ZPBP2: variants seen among roughly 807,000 people sequenced by gnomAD.
The protein encoded by ZPBP2 is zona pellucida binding protein 2.
ZPBP2 carries 34 observed loss-of-function variants against 37.5 expected under a neutral mutation model. That is an observed-to-expected ratio of 0.91 (90% CI 0.69 to 1.21). ZPBP2 has a LOEUF of 1.21. Ranked by LOEUF, ZPBP2 falls within the 50% of genes most tolerant of loss-of-function variation. The probability of loss-of-function intolerance (pLI) is 0.00; values close to 1 mark genes in which losing one functional copy is unlikely to be tolerated. For missense variants in ZPBP2, 397 were observed against 413.5 expected, an observed-to-expected ratio of 0.96 and a Z score of 0.35; for synonymous variants, 143 against 138.4, an observed-to-expected ratio of 1.03 and a Z score of -0.23.
intron 2 of ZPBP2, among the ~76,000 whole-genome samples, chr17:39,869,405 CTTTTTTTTTTTTT>C (rs1555647285): frequency 1.7e-5 from 2 of 115,136 alleles, no homozygotes; most frequent in African/African-American, 6.6e-5. Flanking sequence ...TTCCTTCCTT[CTTTTTTTTTTTTT>C]TTTTTTTTGA....
At chr17:39,870,246 T>C (rs542094265) in intron 2 of ZPBP2, among the ~76,000 whole-genome samples, 1 of 151,536 alleles carries the variant, frequency 6.6e-6, no homozygotes, top group South Asian at 2.1e-4. Flanking sequence ...GTTTTGCCGT[T>C]TTCTTCAGGC....
At chr17:39,871,417 T>C (rs777098945) in intron 3 of ZPBP2, 47 bp from the exon 4 acceptor site, 2 of 1,362,600 alleles carry the variant, frequency 1.5e-6, no homozygotes, top group Non-Finnish European at 2.0e-6. Context: ...TACTAAATAA[T>C]GCTTGATATG....
intron 3 of ZPBP2, 56 bp from the exon 4 acceptor site, chr17:39,871,408 A>G (rs937237305): frequency 7.9e-7 from 1 of 1,267,006 alleles, no homozygotes; most frequent in Non-Finnish European, 1.1e-6. Flanking sequence ...CTCCAAGTGT[A>G]CTAAATAATG....
chr17:39,871,777 T>C, intron 4 of ZPBP2, 152 bp downstream of exon 4: 1 of 593,814 alleles, frequency 1.7e-6, no homozygotes, highest in South Asian at 3.6e-5. Flanking sequence ...CTAAGCAAAC[T>C]CTTAAGTTGA....
rs778382534 is a variant in ZPBP2 at position 39,868,368 on chromosome 17, G to A, written c.14G>A (p.Cys5Tyr). The change falls in exon 1 of 8, where the codon TGC becomes TAC. Residue 5 changes from cysteine (C) to tyrosine (Y), a missense_variant. Transcript: ENST00000348931. Reference protein sequence around the residue: MMRTCVLLSAVLWCL... With the variant: MMRTYVLLSAVLWCL... ...AGCCCCTGAGCGATGATGCGAACGT[G>A]CGTCCTACTCTCCGCGGTGCTCTGG... 13 of 1,609,890 alleles carry A rather than the reference G, an allele frequency of 8.1e-6. No individual in the cohort carries two copies. The highest frequency in any genetic ancestry group is 1.0e-5 in the Non-Finnish European group (12 of 1,179,982).
intron 5 of ZPBP2, among the ~76,000 whole-genome samples, chr17:39,872,759 C>T (rs551806484): frequency 6.6e-6 from 1 of 152,240 alleles, no homozygotes; most frequent in East Asian, 1.9e-4. Flanking sequence ...TAACTTCTTA[C>T]AGAATTTTAA....
In ZPBP2 at chr17:39,876,688, G is replaced by C. The variant is rs771557513; in HGVS notation, c.896G>C (p.Cys299Ser). Residue 299 changes from cysteine (C) to serine (S), a missense_variant, in exon 8 of 8, where the codon TGT becomes TCT. By Grantham distance (112) the Cys-to-Ser change is moderately radical (BLOSUM62 -1). Coordinates refer to ENST00000348931, the MANE Select transcript of ZPBP2 (RefSeq NM_199321.3). ...HSNCASCCVVCSPATFSPDVN... is the reference protein window; with the variant it reads ...HSNCASCCVVSSPATFSPDVN... ...CCTGTGTTTTCCTCTGCAGTGGTTT[G>C]TAGTCCTGCGACTTTTAGTCCTGAT... 8 of 1,613,578 alleles carry C rather than the reference G, an allele frequency of 5.0e-6. No homozygotes were observed. The African/African-American group carries it at 9.3e-5, about 19-fold the overall frequency.
Position 39,872,267 on chromosome 17 carries a change from A to T in ZPBP2, c.407-3A>T. 1 of 1,569,810 alleles carries T rather than the reference A, an allele frequency of 6.4e-7. No individual in the cohort carries two copies. The highest frequency in any genetic ancestry group is 2.1e-5 in the Admixed American group (1 of 47,470). ...CACTCTCATCTTTCTTTTTTTTTTA[A>T]AGCCTATCGGGAACCTGATTATTCA... On this transcript the variant is annotated splice_region_variant and splice_polypyrimidine_tract_variant and intron_variant, in intron 4 of 7. Coordinates refer to ENST00000348931, the MANE Select transcript of ZPBP2 (RefSeq NM_199321.3).
In ZPBP2 at chr17:39,872,255, C is replaced by CTTTT; in HGVS notation, c.407-8_407-5dup. 1 of 1,362,434 alleles carries CTTTT rather than the reference C, an allele frequency of 7.3e-7. No individual in the cohort carries two copies. The highest frequency in any genetic ancestry group is 9.9e-7 in the Non-Finnish European group (1 of 1,006,210). 84.4% of individuals were successfully genotyped at this position (1,362,434 alleles called of 1,614,324 possible). A position where few individuals can be genotyped will look rare whatever the true frequency, so the allele number is the denominator to read the frequency against. ...TACGATTGTTTTCACTCTCATCTTT[C>CTTTT]TTTTTTTTTTAAAGCCTATCGGGAA... On this transcript the variant is annotated splice_polypyrimidine_tract_variant and intron_variant, in intron 4 of 7. Coordinates refer to ENST00000348931, the MANE Select transcript of ZPBP2 (RefSeq NM_199321.3).
chr17:39,873,149 G>A (rs757614496), intron 6 of ZPBP2, 23 bp downstream of exon 6: 40 of 1,599,990 alleles, frequency 2.5e-5, no homozygotes, highest in Non-Finnish European at 3.2e-5. Flanking sequence ...TGGTAAGGAA[G>A]AAGTATTTGT....
intron 2 of ZPBP2, among the ~76,000 whole-genome samples, 169 bp from the exon 3 acceptor site, chr17:39,870,524 GA>G (rs2063359974): frequency 6.6e-6 from 1 of 152,104 alleles, no homozygotes; most frequent in African/African-American, 2.4e-5. Flanking sequence ...AACTTACTAT[GA>G]GAAGCAAAAA....
chr17:39,877,275 T>A lies in ZPBP2; in HGVS notation c.*466T>A, dbSNP rs1484226967. ...TTTTAAGATAAATTAATATACTGTATTTTTTAAAGTATAGGTTTAGGTTTA... is the reference window on the plus strand; with the variant it reads ...TTTTAAGATAAATTAATATACTGTAATTTTTAAAGTATAGGTTTAGGTTTA... On this transcript the variant is annotated 3_prime_UTR_variant, in exon 8 of 8. Coordinates refer to ENST00000348931, the MANE Select transcript of ZPBP2 (RefSeq NM_199321.3). 1.3e-5 allele frequency: 2 copies of A among 153,856 alleles called. No homozygotes were observed. Among genetic ancestry groups the A allele is most frequent in the African/African-American group, 4.8e-5 (2 of 41,454 alleles). The allele number at this position is 153,856 out of a possible 1,614,324, so 9.5% of individuals were successfully genotyped here. A position where few individuals can be genotyped will look rare whatever the true frequency, so the allele number is the denominator to read the frequency against.
intron 6 of ZPBP2, among the ~76,000 whole-genome samples, chr17:39,874,176 A>G (rs1176826726): frequency 6.6e-6 from 1 of 151,902 alleles, no homozygotes; most frequent in East Asian, 1.9e-4. Context: ...TGTTTTTATC[A>G]GAGACGGGGT....
intron 6 of ZPBP2, among the ~76,000 whole-genome samples, chr17:39,874,556 C>G (rs767186896): frequency 1.3e-5 from 2 of 151,968 alleles, no homozygotes; most frequent in African/African-American, 4.8e-5. Flanking sequence ...CTCAGCTTCC[C>G]GAGTAGCTGG....
chr17:39,874,008 G>A (rs1263074082), intron 6 of ZPBP2, among the ~76,000 whole-genome samples: 6 of 131,610 alleles, frequency 4.6e-5, no homozygotes, highest in African/African-American at 9.1e-5. Flanking sequence ...TTTTTGAGAC[G>A]GAGTCTTGCT....
chr17:39,869,512 C>T (rs2063352165), intron 2 of ZPBP2, among the ~76,000 whole-genome samples: 1 of 146,410 alleles, frequency 6.8e-6, no homozygotes, highest in African/African-American at 2.5e-5. Flanking sequence ...TCAAGAGATT[C>T]TCCTGCCTCA....
rs749501385 is a variant in ZPBP2, at chr17:39,868,590, A to G, written c.94A>G (p.Ile32Val). 3 of 1,614,146 alleles carry G rather than the reference A, an allele frequency of 1.9e-6. No homozygotes were observed. Among genetic ancestry groups the G allele is most frequent in the South Asian group, 2.2e-5 (2 of 91,078 alleles). The change falls in exon 2 of 8, where the codon ATT (isoleucine) becomes GTT (valine). Residue 32 changes from isoleucine (I) to valine (V), a missense_variant. Transcript: ENST00000348931. The stretch of plus-strand genomic sequence containing the variant: ...TACCTTATTCAATAAGAAGGGCTTC[A>G]TTTATGGCAAGACAGGACAGCCAGG... ...RFTLFNKKGFIYGKTGQPDKI... is the reference protein window; with the variant it reads ...RFTLFNKKGFVYGKTGQPDKI...
intron 2 of ZPBP2, among the ~76,000 whole-genome samples, chr17:39,868,939 CT>C (rs2063348919): frequency 1.3e-5 from 2 of 152,308 alleles, no homozygotes; most frequent in Non-Finnish European, 1.5e-5. Flanking sequence ...CCAAGGCCTT[CT>C]GTTTGGAATA....
chr17:39,868,473 C>T, intron 1 of ZPBP2, 67 bp downstream of exon 1: 1 of 1,612,640 alleles, frequency 6.2e-7, no homozygotes, highest in Non-Finnish European at 8.5e-7. Context: ...CTGCCTCCTT[C>T]GCCTCGCCCT....
Sources: gnomAD v4.1 joint callset for allele counts (sites outside exome capture counted in the v4.1 genomes callset) on GRCh38, gnomAD v4.1.1 for gene constraint, MANE v1.5 for transcripts, NCBI Gene and HGNC (gene_info 2026-07-23, HGNC 2026-07-21) for gene names.